Variants in SDC2 observed in about 807,000 individuals in gnomAD.
SDC2 encodes the protein syndecan-2.
SDC2 carries 13 observed loss-of-function variants against 22.2 expected under a neutral mutation model. The observed-to-expected ratio is 0.59, with a 90% CI of 0.38 to 0.93. The LOEUF (loss-of-function observed/expected upper bound fraction) is 0.93. SDC2 is among the 40% of genes least tolerant of loss of function. The probability of loss-of-function intolerance (pLI) is 0.00; values close to 1 mark genes in which losing one functional copy is unlikely to be tolerated. For missense variants in SDC2, 235 were observed against 246.8 expected (o/e 0.95, Z 0.32); for synonymous variants, 94 against 92.8 (o/e 1.01, Z -0.07).
At chr8:96,606,667 AT>A (rs996711945) in intron 3 of SDC2, among the ~76,000 whole-genome samples, 3 of 151,826 alleles carry the variant, frequency 2.0e-5, no homozygotes, top group African/African-American at 7.3e-5. Context: ...GTAGGACTGT[AT>A]TTTTTTTAAT....
chr8:96,531,907 A>G (rs1322572287), intron 1 of SDC2, among the ~76,000 whole-genome samples: 1 of 152,202 alleles, frequency 6.6e-6, no homozygotes, highest in Non-Finnish European at 1.5e-5. Context: ...CACAAAATTT[A>G]TGTGCCAATT....
intron 1 of SDC2, among the ~76,000 whole-genome samples, chr8:96,552,311 T>A (rs1436482689): frequency 6.6e-6 from 1 of 152,198 alleles, no homozygotes; most frequent in Admixed American, 6.5e-5. Context: ...CTCTCCCTCC[T>A]TTGTTTTGAT....
At chr8:96,495,239 G>A (rs1438932990) in intron 1 of SDC2, among the ~76,000 whole-genome samples, 1 of 152,220 alleles carries the variant, frequency 6.6e-6, no homozygotes, top group African/African-American at 2.4e-5. Context: ...GGCGCTTCTG[G>A]GGCCGGGAGG....
intron 1 of SDC2, among the ~76,000 whole-genome samples, chr8:96,585,686 AG>A (rs1177950844): frequency 1.3e-5 from 2 of 152,192 alleles, no homozygotes; most frequent in Non-Finnish European, 2.9e-5. Context: ...TTACTGCACT[AG>A]GTACTGTTCT....
At chr8:96,513,320 A>G (rs1037031447) in intron 1 of SDC2, among the ~76,000 whole-genome samples, 3 of 152,178 alleles carry the variant, frequency 2.0e-5, no homozygotes, top group Non-Finnish European at 4.4e-5. Flanking sequence ...CCAAAACACT[A>G]TTGTTGGTTT....
intron 1 of SDC2, among the ~76,000 whole-genome samples, chr8:96,559,819 A>G (rs141797369): frequency 9.4e-4 from 143 of 152,302 alleles, no homozygotes; most frequent in Middle Eastern, 6.8e-3. Flanking sequence ...TCTTCCACTT[A>G]CTACTGAACT....
intron 1 of SDC2, among the ~76,000 whole-genome samples, chr8:96,536,933 C>T (rs1311495646): frequency 6.6e-6 from 1 of 152,172 alleles, no homozygotes; most frequent in African/African-American, 2.4e-5. Context: ...ACTTCAGGTC[C>T]CCCATTGAGG....
chr8:96,592,846 C>T (rs1329767509), intron 1 of SDC2, among the ~76,000 whole-genome samples: 1 of 152,190 alleles, frequency 6.6e-6, no homozygotes, highest in East Asian at 1.9e-4. Context: ...GGGCTTTCTC[C>T]CTGTCAGGTG....
At chr8:96,496,501 C>T (rs1312107047) in intron 1 of SDC2, among the ~76,000 whole-genome samples, 1 of 152,136 alleles carries the variant, frequency 6.6e-6, no homozygotes, top group African/African-American at 2.4e-5. Flanking sequence ...TGTTTCAAGG[C>T]CCAGAATGGC....
At chr8:96,597,873 C>T (rs1168552503) in intron 2 of SDC2, among the ~76,000 whole-genome samples, 1 of 152,156 alleles carries the variant, frequency 6.6e-6, no homozygotes, top group Non-Finnish European at 1.5e-5. Context: ...TTTTCTCTGG[C>T]GATAGGCTAA....
At chr8:96,584,170 T>G (rs1814643302) in intron 1 of SDC2, among the ~76,000 whole-genome samples, 1 of 152,250 alleles carries the variant, frequency 6.6e-6, no homozygotes, top group Non-Finnish European at 1.5e-5. Flanking sequence ...CAGACTCAGT[T>G]CTAGCTCAGA....
intron 1 of SDC2, among the ~76,000 whole-genome samples, chr8:96,573,161 T>C (rs907664171): frequency 1.3e-5 from 2 of 152,172 alleles, no homozygotes; most frequent in African/African-American, 2.4e-5. Flanking sequence ...TTTCACGTTT[T>C]TTCTCTTTAA....
At chr8:96,579,999 C>G (rs1306278216) in intron 1 of SDC2, among the ~76,000 whole-genome samples, 1 of 152,180 alleles carries the variant, frequency 6.6e-6, no homozygotes, top group Admixed American at 6.5e-5. Flanking sequence ...AGAGCCCCCC[C>G]AGCACGATTG....
chr8:96,546,144 C>G (rs1057439537), intron 1 of SDC2, among the ~76,000 whole-genome samples: 1 of 152,160 alleles, frequency 6.6e-6, no homozygotes, highest in Non-Finnish European at 1.5e-5. Context: ...CTTAATCCAC[C>G]CCTCTAAAGA....
intron 1 of SDC2, among the ~76,000 whole-genome samples, chr8:96,559,707 T>C (rs1450273538): frequency 6.6e-6 from 1 of 152,060 alleles, no homozygotes; most frequent in Non-Finnish European, 1.5e-5. Context: ...CAAGTAGGTC[T>C]TGTAGTCTCC....
chr8:96,517,297 T>G (rs1290483682), intron 1 of SDC2, among the ~76,000 whole-genome samples: 1 of 152,242 alleles, frequency 6.6e-6, no homozygotes, highest in Non-Finnish European at 1.5e-5. Flanking sequence ...TTCATTCTCT[T>G]AATAGTGTCC....
At chr8:96,533,954 G>A (rs1023072211) in intron 1 of SDC2, among the ~76,000 whole-genome samples, 2 of 152,188 alleles carry the variant, frequency 1.3e-5, no homozygotes, top group Admixed American at 6.5e-5. Flanking sequence ...GCCCTGCCCC[G>A]CGGGGAGGCA....
At chr8:96,561,719 G>A (rs908940122) in intron 1 of SDC2, among the ~76,000 whole-genome samples, 4 of 152,128 alleles carry the variant, frequency 2.6e-5, no homozygotes, top group African/African-American at 7.2e-5. Context: ...ATGTATTATT[G>A]TGGAAGAATT....
chr8:96,552,928 C>T (rs1213136942), intron 1 of SDC2, among the ~76,000 whole-genome samples: 3 of 152,046 alleles, frequency 2.0e-5, no homozygotes, highest in Non-Finnish European at 4.4e-5. Flanking sequence ...TAAGAGTTTT[C>T]TGGTATTGAA....
Sources: gnomAD v4.1 joint callset for allele counts (sites outside exome capture counted in the v4.1 genomes callset) on GRCh38, gnomAD v4.1.1 for gene constraint, MANE v1.5 for transcripts, NCBI Gene and HGNC (gene_info 2026-07-23, HGNC 2026-07-21) for gene names.